The following MDGA1 variants were observed in gnomAD, a reference collection of about 807,000 sequenced individuals.
MDGA1 encodes the protein MAM domain-containing glycosylphosphatidylinositol anchor protein 1.
In MDGA1, 54 loss-of-function variants were observed where a neutral mutation model predicts 101.5. The ratio of observed to expected loss-of-function variants is 0.53; its 90% confidence interval spans 0.43 to 0.67. The LOEUF is 0.67. Among genes scored for constraint, MDGA1 ranks in the 30% least tolerant of loss-of-function variants. The pLI, the probability that MDGA1 is intolerant of heterozygous loss-of-function variation, is 0.00. For missense variants in MDGA1, 1,083 were observed against 1,323.8 expected (o/e 0.82, Z 2.82); for synonymous variants, 533 against 558.3 (o/e 0.95, Z 0.64).
Position 37,655,694 on chromosome 6 carries a change from C to G in MDGA1, c.579+6G>C. ...GGTATGGGGCGAGCCAGCTGCCCATCCTGACCTGAGTGTAGAGGGGCTCAT... is the reference window on the plus strand; with the variant it reads ...GGTATGGGGCGAGCCAGCTGCCCATGCTGACCTGAGTGTAGAGGGGCTCAT... On this transcript the variant is annotated splice_donor_region_variant and intron_variant, in intron 4 of 16. Transcript: ENST00000434837. The surrounding 1 kb of genome is among the most constrained non-coding windows in gnomAD (Gnocchi z 5.1). The G allele has an allele frequency of 6.2e-7, 1 of 1,603,106 alleles. No individual in the cohort carries two copies.
chr6:37,696,524 T>G lies in MDGA1; in HGVS notation c.67+221A>C, dbSNP rs1762422650. ...AGCAGGGTGTGGGAAAGTGGGTGCCTCCTCCTGACATCCCGGCTTCCCACC... is the reference window on the plus strand; with the variant it reads ...AGCAGGGTGTGGGAAAGTGGGTGCCGCCTCCTGACATCCCGGCTTCCCACC... On this transcript the variant is annotated intron_variant, in intron 1 of 16. Coordinates refer to ENST00000434837, the MANE Select transcript of MDGA1 (RefSeq NM_153487.4). This position sits in a 1 kb window ranked among gnomAD's most constrained non-coding sequence, Gnocchi z 5.6. Among the ~76,000 whole-genome samples, 2 of 151,920 alleles carry G rather than the reference T, an allele frequency of 1.3e-5. No individual in the cohort carries two copies. Among genetic ancestry groups the G allele is most frequent in the Admixed American group, 1.3e-4 (2 of 15,272 alleles).
intron 1 of MDGA1, among the ~76,000 whole-genome samples, chr6:37,691,733 T>C (rs541209127): frequency 6.6e-6 from 1 of 152,338 alleles, no homozygotes; most frequent in African/African-American, 2.4e-5. Context: ...AGCATTTAAA[T>C]ACCAGAGAAG....
rs866469780 is a variant in MDGA1 at position 37,652,354 on chromosome 6, G to C, written c.983-14C>G. ...CGTTCTTCATGGCTGTGAGTGGATG[G>C]GGAGGGAAGGGTAGTTGGGGTTGGC... is the stretch of plus-strand genomic sequence containing the variant. On this transcript the variant is annotated splice_polypyrimidine_tract_variant and intron_variant, in intron 6 of 16. Coordinates refer to ENST00000434837, the MANE Select transcript of MDGA1 (RefSeq NM_153487.4). The surrounding 1 kb of genome is among the most constrained non-coding windows in gnomAD (Gnocchi z 4.3). 5.1e-6 allele frequency: 8 copies of C among 1,579,716 alleles called. No individual in the cohort carries two copies. The highest frequency in any genetic ancestry group is 1.8e-5 in the Admixed American group (1 of 56,076).
chr6:37,684,288 T>A (rs983754008), intron 1 of MDGA1, among the ~76,000 whole-genome samples: 4 of 152,218 alleles, frequency 2.6e-5, no homozygotes, highest in Non-Finnish European at 4.4e-5. Context: ...CAGGCTCACC[T>A]TCCTACCCAC....
chr6:37,658,157 C>T, intron 3 of MDGA1, 88 bp downstream of exon 3: 1 of 1,397,556 alleles, frequency 7.2e-7, no homozygotes, highest in Non-Finnish European at 9.4e-7. Flanking sequence ...CACCCCATGC[C>T]CACTTCCCCA....
At chr6:37,642,561 G>A (rs567514023) in intron 14 of MDGA1, among the ~76,000 whole-genome samples, 1 of 152,272 alleles carries the variant, frequency 6.6e-6, no homozygotes, top group South Asian at 2.1e-4. Flanking sequence ...CAACTGGGAT[G>A]GGAGGGCGTC....
Position 37,647,169 on chromosome 6 carries a change from C to T in MDGA1, c.2046+4G>A, listed in dbSNP as rs1761223837. On this transcript the variant is annotated splice_donor_region_variant and intron_variant, in intron 10 of 16. Coordinates refer to ENST00000434837, the MANE Select transcript of MDGA1 (RefSeq NM_153487.4). ...CCCCAGGCCCCCGCTCCCCCTTGGCCCACCTGGCGGATGCTGAGTCTGTAG... is the reference window on the plus strand; with the variant it reads ...CCCCAGGCCCCCGCTCCCCCTTGGCTCACCTGGCGGATGCTGAGTCTGTAG... 1 of 1,591,460 alleles carries T rather than the reference C, an allele frequency of 6.3e-7. No homozygotes were observed. Among genetic ancestry groups the T allele is most frequent in the Non-Finnish European group, 8.6e-7 (1 of 1,169,238 alleles).
chr6:37,638,155 C>G lies in MDGA1; in HGVS notation c.2776+50G>C, dbSNP rs201675565. ...CCTCAACAGACAGGAACCCCCGCCA[C>G]GCACAGCTCCCTCCAGATTCAGCTC... On this transcript the variant is annotated intron_variant, in intron 16 of 16. Coordinates refer to ENST00000434837, the MANE Select transcript of MDGA1 (RefSeq NM_153487.4). This position sits in a 1 kb window ranked among gnomAD's most constrained non-coding sequence, Gnocchi z 4.8. 4.6e-6 allele frequency: 7 copies of G among 1,512,356 alleles called. No individual in the cohort carries two copies. In the South Asian group the frequency reaches 5.7e-5, roughly 12 times the overall value. 93.7% of individuals were successfully genotyped at this position (1,512,356 alleles called of 1,614,324 possible).
In MDGA1 at chr6:37,638,051, G is replaced by T; in HGVS notation, c.2776+154C>A. On this transcript the variant is annotated intron_variant, in intron 16 of 16. Transcript: ENST00000434837. The surrounding 1 kb of genome is among the most constrained non-coding windows in gnomAD (Gnocchi z 4.8). ...AGTACACAGCCTGAGTGAGTGTGGG[G>T]CACACCTTCACACAGTCAGAGCCAC... The T allele has an allele frequency of 1.5e-6, 1 of 676,884 alleles. No homozygotes were observed. The highest frequency in any genetic ancestry group is 2.7e-6 in the Non-Finnish European group (1 of 370,040). The allele number at this position is 676,884 out of a possible 1,614,324, so 41.9% of individuals were successfully genotyped here. A position where few individuals can be genotyped will look rare whatever the true frequency, so the allele number is the denominator to read the frequency against.
intron 1 of MDGA1, among the ~76,000 whole-genome samples, chr6:37,692,597 A>G (rs1173693303): frequency 6.6e-6 from 1 of 151,328 alleles, no homozygotes; most frequent in African/African-American, 2.4e-5. Flanking sequence ...TCCCGCCCCC[A>G]GGTATTGATT....
At chr6:37,685,370 G>A (rs1400959499) in intron 1 of MDGA1, among the ~76,000 whole-genome samples, 1 of 152,130 alleles carries the variant, frequency 6.6e-6, no homozygotes, top group Non-Finnish European at 1.5e-5. Flanking sequence ...AGAGGTCTCC[G>A]TTCCTGAATC....
rs772366869 is a variant in MDGA1, at chr6:37,664,038, G to T, written c.136C>A (p.Arg46Ser). ...TCCCCCTCCCGGATGGTGTAGACAC[G>T]CTCGCTGATATTGTCCTCTTTCACC... is the stretch of plus-strand genomic sequence containing the variant. ...CVVKEDNISE[R>S]VYTIREGDTL... The change falls in exon 2 of 17, where the codon CGT (arginine) becomes AGT (serine). Residue 46 changes from arginine to serine, a missense_variant. Around this residue, in one of 3 missense-constraint regions of MDGA1, gnomAD observed 310 missense variants for 355.9 expected, o/e 0.87. Coordinates refer to ENST00000434837, the MANE Select transcript of MDGA1 (RefSeq NM_153487.4). The T allele has an allele frequency of 6.2e-7, 1 of 1,613,642 alleles. No homozygotes were observed. The highest frequency in any genetic ancestry group is 1.1e-5 in the South Asian group (1 of 91,066).
chr6:37,680,897 A>G (rs1432379721), intron 1 of MDGA1, among the ~76,000 whole-genome samples: 1 of 151,996 alleles, frequency 6.6e-6, no homozygotes, highest in East Asian at 1.9e-4. Flanking sequence ...TTTTGTGAAA[A>G]CCAAATCCAC....
At chr6:37,666,120 G>T (rs374731123) in intron 1 of MDGA1, among the ~76,000 whole-genome samples, 1 of 151,810 alleles carries the variant, frequency 6.6e-6, no homozygotes, top group East Asian at 1.9e-4. Context: ...GGCCGAGGCG[G>T]GTGGATCACG....
chr6:37,690,392 G>T (rs1374585574), intron 1 of MDGA1, among the ~76,000 whole-genome samples: 1 of 152,228 alleles, frequency 6.6e-6, no homozygotes, highest in Admixed American at 6.5e-5. Context: ...TTGGACAAGG[G>T]ACTGATAAAT....
intron 1 of MDGA1, among the ~76,000 whole-genome samples, chr6:37,681,756 A>G (rs1446636984): frequency 2.2e-4 from 1 of 4,600 alleles, no homozygotes; most frequent in African/African-American, 7.6e-3. Flanking sequence ...ACACAGATAC[A>G]CACACACACA....
intron 1 of MDGA1, among the ~76,000 whole-genome samples, chr6:37,682,770 G>A (rs764892154): frequency 9.2e-5 from 14 of 152,128 alleles, no homozygotes; most frequent in African/African-American, 2.9e-4. Flanking sequence ...GGCACACTGC[G>A]GGGGGTTCAA....
chr6:37,667,419 G>A (rs1351119398), intron 1 of MDGA1, among the ~76,000 whole-genome samples: 1 of 152,216 alleles, frequency 6.6e-6, no homozygotes, highest in Non-Finnish European at 1.5e-5. Context: ...GACTTCTGAG[G>A]TCTTTTTCAA....
chr6:37,668,148 G>A (rs1258039730), intron 1 of MDGA1, among the ~76,000 whole-genome samples: 1 of 151,964 alleles, frequency 6.6e-6, no homozygotes, highest in African/African-American at 2.4e-5. Context: ...CTATTCAGGA[G>A]GCTGAGGCAG....
Sources: gnomAD v4.1 joint callset for allele counts (sites outside exome capture counted in the v4.1 genomes callset) on GRCh38, gnomAD v4.1.1 for gene constraint, gnomAD v4.1.1 regional missense constraint, Gnocchi (gnomAD v3.1) non-coding constraint, MANE v1.5 for transcripts, NCBI Gene and HGNC (gene_info 2026-07-23, HGNC 2026-07-21) for gene names.